Variants in UTRN observed in about 807,000 individuals in gnomAD.
UTRN encodes the protein utrophin, also known as dystrophin-related protein 1.
In UTRN, 283 loss-of-function variants were observed where a neutral mutation model predicts 463.9. That is an observed-to-expected ratio of 0.61 (90% CI 0.55 to 0.67). The LOEUF (loss-of-function observed/expected upper bound fraction) is 0.67, where lower values mean the gene tolerates loss of function less well. UTRN is among the 30% of genes least tolerant of loss of function. The pLI is 0.00. For missense variants in UTRN, 3,922 were observed against 4,084.3 expected (o/e 0.96, Z 1.08); for synonymous variants, 1,442 against 1,431.5 (o/e 1.01, Z -0.17).
intron 2 of UTRN, among the ~76,000 whole-genome samples, chr6:144,371,302 A>C (rs1219619125): frequency 6.6e-6 from 1 of 152,210 alleles, no homozygotes; most frequent in Non-Finnish European, 1.5e-5. Context: ...TGCCAGTATT[A>C]GTAGATCTAG....
chr6:144,664,822 A>G (rs948006423), intron 51 of UTRN, among the ~76,000 whole-genome samples: 1 of 151,758 alleles, frequency 6.6e-6, no homozygotes, highest in East Asian at 1.9e-4. Context: ...ATATTTACAT[A>G]TGACATAACC....
chr6:144,685,531 T>C (rs1782659713), intron 52 of UTRN, among the ~76,000 whole-genome samples: 1 of 152,164 alleles, frequency 6.6e-6, no homozygotes, highest in Admixed American at 6.5e-5. Flanking sequence ...CATCTATTGT[T>C]TTTTGACTTT....
At chr6:144,412,762 TAC>T (rs149751810) in intron 3 of UTRN, among the ~76,000 whole-genome samples, 50,748 of 144,002 alleles carry the variant, frequency 0.35, 10,204 homozygotes, top group Middle Eastern at 0.47. Flanking sequence ...ACACACACCA[TAC>T]ACACACACAC....
intron 52 of UTRN, among the ~76,000 whole-genome samples, chr6:144,684,116 C>A (rs1782494243): frequency 6.8e-6 from 1 of 147,416 alleles, no homozygotes; most frequent in Non-Finnish European, 1.5e-5. Context: ...GTGGCACGAT[C>A]TTGGCTCACT....
chr6:144,412,762 T>TACACACACAC (rs149751810), intron 3 of UTRN, among the ~76,000 whole-genome samples: 143 of 144,358 alleles, frequency 9.9e-4, no homozygotes, highest in African/African-American at 3.3e-3. Context: ...ACACACACCA[T>TACACACACAC]ACACACACAC....
intron 33 of UTRN, among the ~76,000 whole-genome samples, chr6:144,495,016 T>A (rs1469673452): frequency 6.6e-6 from 1 of 152,194 alleles, no homozygotes; most frequent in Non-Finnish European, 1.5e-5. Context: ...GATTGGTGTA[T>A]TTACAATCCC....
At chr6:144,775,007 T>C (rs1032201236) in intron 60 of UTRN, among the ~76,000 whole-genome samples, 11 of 152,188 alleles carry the variant, frequency 7.2e-5, no homozygotes, top group African/African-American at 2.7e-4. Context: ...CTATTTGTGG[T>C]TGTAGTTCTA....
At chr6:144,685,936 T>G (rs1024783538) in intron 52 of UTRN, among the ~76,000 whole-genome samples, 2 of 152,170 alleles carry the variant, frequency 1.3e-5, no homozygotes, top group Non-Finnish European at 2.9e-5. Context: ...ACATTTGCAT[T>G]TGCTTTTGGG....
At chr6:144,583,612 A>C (rs1484751123) in intron 51 of UTRN, 1 of 680,684 alleles carries the variant, frequency 1.5e-6, no homozygotes, top group Non-Finnish European at 2.7e-6. Context: ...TAACTGAGTG[A>C]TTGAAAATAA....
At chr6:144,768,948 G>GT (rs35525101) in intron 58 of UTRN, among the ~76,000 whole-genome samples, 8,387 of 122,498 alleles carry the variant, frequency 0.068, 371 homozygotes, top group Admixed American at 0.19. Flanking sequence ...TTTGTTTTTT[G>GT]TTTTGTTTTG....
intron 51 of UTRN, among the ~76,000 whole-genome samples, chr6:144,647,891 C>T (rs1778441588): frequency 6.6e-6 from 1 of 152,174 alleles, no homozygotes; most frequent in Non-Finnish European, 1.5e-5. Flanking sequence ...TAGTGAATGC[C>T]TGAATAAAGG....
intron 53 of UTRN, among the ~76,000 whole-genome samples, chr6:144,724,091 T>A (rs1485050186): frequency 6.6e-6 from 1 of 151,580 alleles, no homozygotes; most frequent in South Asian, 2.1e-4. Context: ...AGAATTATTG[T>A]TTTATTTTAA....
At chr6:144,719,147 C>G (rs115167871) in intron 53 of UTRN, among the ~76,000 whole-genome samples, 1,672 of 152,292 alleles carry the variant, frequency 0.011, 35 homozygotes, top group African/African-American at 0.035. Flanking sequence ...CAGGTGTTTT[C>G]CTTCCTTGAT....
chr6:144,338,071 A>G (rs963035225), intron 2 of UTRN, among the ~76,000 whole-genome samples: 6 of 152,232 alleles, frequency 3.9e-5, no homozygotes, highest in Non-Finnish European at 8.8e-5. Context: ...CTTTGGAAAA[A>G]CAATTTCATG....
chr6:144,676,602 TG>T (rs1383508358), intron 51 of UTRN, among the ~76,000 whole-genome samples: 5 of 152,040 alleles, frequency 3.3e-5, no homozygotes, highest in Admixed American at 6.6e-5. Flanking sequence ...GGTATACATG[TG>T]CCATGTTGGT....
In UTRN at chr6:144,462,703, C is replaced by T. The variant is rs1268118930; in HGVS notation, c.2903C>T (p.Ala968Val). 2 of 1,607,706 alleles carry T rather than the reference C, an allele frequency of 1.2e-6. No individual in the cohort carries two copies. Among genetic ancestry groups the T allele is most frequent in the Non-Finnish European group, 1.7e-6 (2 of 1,178,720 alleles). Reference protein sequence around the residue: ...ENQKPALHKLAEETKALEKNV... With the variant: ...ENQKPALHKLVEETKALEKNV... ...CAGAAACCTGCATTACATAAACTTG[C>T]AGAAGAAACAAAGGCTCTGGAGAAA... The change falls in exon 23 of 75, where the codon GCA becomes GTA. Residue 968 changes from alanine to valine, a missense_variant. By Grantham distance (64) the Ala-to-Val change is moderately conservative. This residue lies in a region of UTRN where 2,349 missense variants were observed against 2,303.8 expected (regional missense o/e 1.02). Transcript: ENST00000367545.
intron 2 of UTRN, 87 bp from the exon 3 acceptor site, chr6:144,403,036 T>A: frequency 8.1e-7 from 1 of 1,241,092 alleles, no homozygotes; most frequent in African/African-American, 1.5e-5. Flanking sequence ...TTTTAAACTC[T>A]CCAGGATAGA....
intron 53 of UTRN, among the ~76,000 whole-genome samples, chr6:144,723,512 G>A (rs553490878): frequency 2.5e-4 from 38 of 152,204 alleles, no homozygotes; most frequent in Non-Finnish European, 4.7e-4. Context: ...ACCTTACCAT[G>A]CAAGAACTCA....
chr6:144,690,873 A>G (rs1183521166), intron 52 of UTRN, among the ~76,000 whole-genome samples: 1 of 151,890 alleles, frequency 6.6e-6, no homozygotes, highest in Non-Finnish European at 1.5e-5. Flanking sequence ...GGGACTTACA[A>G]TTTTTGGCCT....
Sources: allele counts gnomAD v4.1 joint callset (sites outside exome capture counted in the v4.1 genomes callset), GRCh38; gene constraint gnomAD v4.1.1; regional missense constraint gnomAD v4.1.1; transcripts MANE v1.5; gene names NCBI Gene and HGNC (gene_info 2026-07-23, HGNC 2026-07-21).